ARID1A: variants seen among roughly 807,000 people sequenced by gnomAD.
ARID1A encodes AT-rich interactive domain-containing protein 1A.
In ARID1A, 20 loss-of-function variants were observed where a neutral mutation model predicts 212.6. The observed-to-expected ratio is 0.09, with a 90% CI of 0.07 to 0.14. The LOEUF (loss-of-function observed/expected upper bound fraction) is 0.14. Ranked by LOEUF, ARID1A falls within the 10% of genes least tolerant of loss-of-function variation. The probability of loss-of-function intolerance (pLI) is 1.00; values close to 1 mark genes in which losing one functional copy is unlikely to be tolerated. For synonymous variants in ARID1A, 1,376 were observed against 1,222.1 expected (o/e 1.13, Z -2.63); for missense variants, 2,587 against 3,059.0 (o/e 0.85, Z 3.64).
intron 1 of ARID1A, among the ~76,000 whole-genome samples, chr1:26,721,869 G>A (rs2080568127): frequency 6.6e-6 from 1 of 152,142 alleles, no homozygotes; most frequent in African/African-American, 2.4e-5. Flanking sequence ...CAGCTGTGAG[G>A]TGGTTATTAT....
chr1:26,760,653 A>G (rs1038285287), intron 4 of ARID1A, among the ~76,000 whole-genome samples: 4 of 151,804 alleles, frequency 2.6e-5, no homozygotes, highest in Admixed American at 2.0e-4. Flanking sequence ...GTGCCATTGC[A>G]CTCCAGCCTG....
chr1:26,735,131 T>TTA (rs1253019677), intron 4 of ARID1A, among the ~76,000 whole-genome samples: 1 of 151,706 alleles, frequency 6.6e-6, no homozygotes, highest in East Asian at 1.9e-4. Flanking sequence ...TTTTTTTTTT[T>TTA]TTTTGGGGGG....
Position 26,780,119 on chromosome 1 carries a change from C to A in ARID1A, c.6221C>A (p.Ser2074Tyr), listed in dbSNP as rs1462508037. The change falls in exon 20 of 20, where the codon TCT becomes TAT. Residue 2074 changes from serine (S) to tyrosine (Y), a missense_variant. Transcript: ENST00000324856. The surrounding 1 kb of genome is among the most constrained non-coding windows in gnomAD (Gnocchi z 7.2). The stretch of plus-strand genomic sequence containing the variant: ...AACATCTCGGGGCAGTTGGACCTAT[C>A]TCCATACCCCGAGAGCATTTGCCTG... ...LANISGQLDL[S>Y]PYPESICLPV... 6.2e-7 allele frequency: 1 copy of A among 1,614,214 alleles called. No individual in the cohort carries two copies. Among genetic ancestry groups the A allele is most frequent in the South Asian group, 1.1e-5 (1 of 91,080 alleles).
rs2080268412 is a variant in ARID1A, at chr1:26,696,879, C to T, written c.476C>T (p.Ser159Phe). The T allele has an allele frequency of 7.3e-7, 1 of 1,361,248 alleles. No individual in the cohort carries two copies. Among genetic ancestry groups the T allele is most frequent in the Non-Finnish European group, 9.5e-7 (1 of 1,058,078 alleles). 84.3% of individuals were successfully genotyped at this position (1,361,248 alleles called of 1,614,324 possible). The change falls in exon 1 of 20, where the codon TCT becomes TTT. Residue 159 changes from serine (S) to phenylalanine (F), a missense_variant. Transcript: ENST00000324856. Reference sequence around the variant, plus strand: ...GGGCAACCCTACGGCCGGAGCCCGTCTGCCGTCGCCGCCGCCGCGGCCGCC... The same window carrying T: ...GGGCAACCCTACGGCCGGAGCCCGTTTGCCGTCGCCGCCGCCGCGGCCGCC... ...GFGQPYGRSPSAVAAAAAAVF... is the reference protein window; with the variant it reads ...GFGQPYGRSPFAVAAAAAAVF...
chr1:26,761,029 C>T lies in ARID1A; in HGVS notation c.2094C>T (p.Ser698=), dbSNP rs2124056205. The change falls in exon 5 of 20, where the codon TCC becomes TCT. Residue 698 remains serine (S), a synonymous_variant. Coordinates refer to ENST00000324856, the MANE Select transcript of ARID1A (RefSeq NM_006015.6). ...CTGGCATCCGAGGCCCTTCCCCGTC[C>T]CCTGTTGGCTCTCCCGCCAGTGTTG... ...HLPGIRGPSP[S]PVGSPASVAQ... The T allele has an allele frequency of 1.2e-6, 2 of 1,614,096 alleles. No homozygotes were observed. The highest frequency in any genetic ancestry group is 8.5e-7 in the Non-Finnish European group (1 of 1,180,030).
At position 26,696,954 on chromosome 1, in the gene ARID1A, T is replaced by C. The variant is rs764721907; in HGVS notation, c.551T>C (p.Leu184Pro). 14 of 1,468,948 alleles carry C rather than the reference T, an allele frequency of 9.5e-6. No individual in the cohort carries two copies. Among genetic ancestry groups the C allele is most frequent in the African/African-American group, 1.5e-5 (1 of 66,630 alleles). The allele number at this position is 1,468,948 out of a possible 1,614,324, so 91.0% of individuals were successfully genotyped here. A position where few individuals can be genotyped will look rare whatever the true frequency, so the allele number is the denominator to read the frequency against. Residue 184 changes from leucine (L) to proline (P), a missense_variant, in exon 1 of 20, where the codon CTG becomes CCG. By Grantham distance (98) the Leu-to-Pro change is moderately conservative (BLOSUM62 -3). Coordinates refer to ENST00000324856, the MANE Select transcript of ARID1A (RefSeq NM_006015.6). ...GGQQSPGLAA[L>P]QSGGGGGLEP... ...CAACAAAGCCCTGGCCTGGCAGCGC[T>C]GCAGAGCGGCGGCGGCGGGGGCCTG...
In ARID1A at chr1:26,771,652, T is replaced by C. The variant is rs2081083381; in HGVS notation, c.3406+326T>C. ...AGCAAGGCAGGGCCATCTGGGAGCT[T>C]TGGCCTATTGATGTCAGCACCTTAG... On this transcript the variant is annotated intron_variant, in intron 12 of 19. Coordinates refer to ENST00000324856, the MANE Select transcript of ARID1A (RefSeq NM_006015.6). The surrounding 1 kb of genome is among the most constrained non-coding windows in gnomAD (Gnocchi z 5.4). 5.4e-6 allele frequency: 2 copies of C among 372,166 alleles called. No homozygotes were observed. The highest frequency in any genetic ancestry group is 5.8e-5 in the South Asian group (2 of 34,632). 23.1% of individuals were successfully genotyped at this position (372,166 alleles called of 1,614,324 possible).
chr1:26,697,447 C>T lies in ARID1A; in HGVS notation c.1044C>T (p.Ala348=), dbSNP rs1419521930. 4 of 1,357,918 alleles carry T rather than the reference C, an allele frequency of 2.9e-6. No individual in the cohort carries two copies. Among genetic ancestry groups the T allele is most frequent in the Non-Finnish European group, 3.8e-6 (4 of 1,066,200 alleles). The allele number at this position is 1,357,918 out of a possible 1,614,324, so 84.1% of individuals were successfully genotyped here. A position where few individuals can be genotyped will look rare whatever the true frequency, so the allele number is the denominator to read the frequency against. Residue 348 remains alanine, a synonymous_variant, in exon 1 of 20, where the codon GCC becomes GCT. Transcript: ENST00000324856. The part of the protein sequence containing the change: ...GAAAAAAAAA[A]ASGGAQQRSH... Reference sequence around the variant, plus strand: ...CGGCGGCGGCAGCTGCGGCGGCGGCCGCCTCGGGAGGGGCCCAACAAAGGA... The same window carrying T: ...CGGCGGCGGCAGCTGCGGCGGCGGCTGCCTCGGGAGGGGCCCAACAAAGGA...
At chr1:26,729,973 G>A (rs1488818971) in intron 2 of ARID1A, 110 bp downstream of exon 2, 56 of 1,299,588 alleles carry the variant, frequency 4.3e-5, no homozygotes, top group Non-Finnish European at 5.7e-5. Context: ...CAGGAATGTA[G>A]ACCTGTTGGC....
At position 26,696,153 on chromosome 1, in the gene ARID1A, C is replaced by T; in HGVS notation, c.-251C>T. 1 of 497,716 alleles carries T rather than the reference C, an allele frequency of 2.0e-6. No homozygotes were observed. Among genetic ancestry groups the T allele is most frequent in the Non-Finnish European group, 2.9e-6 (1 of 349,666 alleles). The allele number at this position is 497,716 out of a possible 1,614,324, so 30.8% of individuals were successfully genotyped here. ...AGAGCCGGGTCCCGAGCCTACAGAG[C>T]CGGGAGCAGCTGAGCCGCCGGCGCC... On this transcript the variant is annotated 5_prime_UTR_variant, in exon 1 of 20. Coordinates refer to ENST00000324856, the MANE Select transcript of ARID1A (RefSeq NM_006015.6).
At chr1:26,726,483 C>A (rs1321421628) in intron 1 of ARID1A, among the ~76,000 whole-genome samples, 1 of 152,110 alleles carries the variant, frequency 6.6e-6, no homozygotes, top group African/African-American at 2.4e-5. Context: ...CCAGGTTATT[C>A]TTAAAGTGTG....
intron 4 of ARID1A, among the ~76,000 whole-genome samples, chr1:26,733,061 T>C (rs1386285710): frequency 6.6e-6 from 1 of 152,198 alleles, no homozygotes; most frequent in African/African-American, 2.4e-5. Flanking sequence ...GATGGAGATA[T>C]CAGAAGCACT....
rs1482702384 is a variant in ARID1A, at chr1:26,773,384, C to G, written c.3754C>G (p.Pro1252Ala). ...TCCCTTCATGTCCTCAGGGCAGGGC[C>G]CCAACGGCGGGATGGGTGACCCCTA... ...SDPFMSSGQG[P>A]NGGMGDPYSR... Residue 1252 changes from proline to alanine, a missense_variant, in exon 15 of 20, where the codon CCC (proline) becomes GCC (alanine). Around this residue, in one of 11 missense-constraint regions of ARID1A, gnomAD observed 890 missense variants for 1,098.2 expected, o/e 0.81. Coordinates refer to ENST00000324856, the MANE Select transcript of ARID1A (RefSeq NM_006015.6). 6.2e-7 allele frequency: 1 copy of G among 1,611,434 alleles called. No homozygotes were observed.
chr1:26,776,685 T>G (rs1406395181), intron 19 of ARID1A, among the ~76,000 whole-genome samples: 1 of 152,222 alleles, frequency 6.6e-6, no homozygotes, highest in Non-Finnish European at 1.5e-5. Flanking sequence ...TTTCTTTTGA[T>G]CATCTTTAGT....
intron 1 of ARID1A, among the ~76,000 whole-genome samples, 177 bp downstream of exon 1, chr1:26,697,717 C>T (rs979519134): frequency 5.3e-5 from 8 of 152,212 alleles, no homozygotes; most frequent in East Asian, 1.9e-4. Context: ...TCCTCTCCTT[C>T]CCTCCTTCAG....
rs759913677 is a variant in ARID1A at position 26,696,885 on chromosome 1, TCGCCGCCGC to T, written c.486_494del (p.Ala165_Ala167del). 5.2e-6 allele frequency: 7 copies of T among 1,348,620 alleles called. No individual in the cohort carries two copies. In the South Asian group the frequency reaches 7.7e-5, roughly 15 times the overall value. The allele number at this position is 1,348,620 out of a possible 1,614,324, so 83.5% of individuals were successfully genotyped here. A position where few individuals can be genotyped will look rare whatever the true frequency, so the allele number is the denominator to read the frequency against. ...CCCTACGGCCGGAGCCCGTCTGCCGTCGCCGCCGCCGCGGCCGCCGTCTTCCACCAACAA... is the reference window on the plus strand; with the variant it reads ...CCCTACGGCCGGAGCCCGTCTGCCGTCGCGGCCGCCGTCTTCCACCAACAA... On this transcript the variant is annotated inframe_deletion, in exon 1 of 20. Transcript: ENST00000324856.
intron 9 of ARID1A, 21 bp from the exon 10 acceptor site, chr1:26,766,436 G>A (rs893666363): frequency 9.3e-6 from 15 of 1,613,870 alleles, no homozygotes; most frequent in African/African-American, 1.3e-5. Context: ...CTGGACTTGA[G>A]AATTTTTTTC....
intron 4 of ARID1A, among the ~76,000 whole-genome samples, chr1:26,754,529 T>C (rs977856950): frequency 6.6e-5 from 10 of 152,174 alleles, no homozygotes; most frequent in African/African-American, 2.2e-4. Flanking sequence ...AGGGGTGTCA[T>C]AGACTTAGAT....
At chr1:26,742,428 T>C (rs1187464938) in intron 4 of ARID1A, among the ~76,000 whole-genome samples, 1 of 152,214 alleles carries the variant, frequency 6.6e-6, no homozygotes, top group African/African-American at 2.4e-5. Context: ...CCCTGTTCTG[T>C]GTCTGTCTTC....
Sources: allele counts gnomAD v4.1 joint callset (sites outside exome capture counted in the v4.1 genomes callset), GRCh38; gene constraint gnomAD v4.1.1; regional missense constraint gnomAD v4.1.1; non-coding constraint Gnocchi (gnomAD v3.1); transcripts MANE v1.5; gene names NCBI Gene and HGNC (gene_info 2026-07-23, HGNC 2026-07-21).